Variants in CCNY observed in about 807,000 individuals in gnomAD.
The protein encoded by CCNY is cyclin Y.
A neutral mutation model predicts 42.8 loss-of-function variants in CCNY; 19 were observed. That is an observed-to-expected ratio of 0.44 (90% CI 0.31 to 0.65). The LOEUF (loss-of-function observed/expected upper bound fraction) is 0.65, where lower values mean the gene tolerates loss of function less well. CCNY is among the 30% of genes least tolerant of loss of function. The probability of loss-of-function intolerance (pLI) is 0.07; values close to 1 mark genes in which losing one functional copy is unlikely to be tolerated. For missense variants in CCNY, 370 were observed against 437.3 expected, an observed-to-expected ratio of 0.85 and a Z score of 1.37; for synonymous variants, 165 against 162.7, an observed-to-expected ratio of 1.01 and a Z score of -0.11.
At chr10:35,472,574 A>G (rs541770413) in intron 1 of CCNY, among the ~76,000 whole-genome samples, 8 of 152,322 alleles carry the variant, frequency 5.3e-5, no homozygotes, top group Admixed American at 5.2e-4. Flanking sequence ...CTTAGTACCT[A>G]GTAGATGCTC....
At chr10:35,252,953 G>T (rs1465800376) in intron 3 of CCNY, among the ~76,000 whole-genome samples, 1 of 152,046 alleles carries the variant, frequency 6.6e-6, no homozygotes, top group Non-Finnish European at 1.5e-5. Flanking sequence ...TAACTATGAG[G>T]TTAAAAAAAT....
intron 3 of CCNY, among the ~76,000 whole-genome samples, chr10:35,329,722 AG>A (rs1368874904): frequency 6.6e-6 from 1 of 152,182 alleles, no homozygotes; most frequent in African/African-American, 2.4e-5. Context: ...ACAGGAGTAA[AG>A]TGAGAGGCCA....
chr10:35,423,015 A>T (rs1269972360), intron 1 of CCNY, among the ~76,000 whole-genome samples: 1 of 152,204 alleles, frequency 6.6e-6, no homozygotes, highest in African/African-American at 2.4e-5. Flanking sequence ...AGCACTGAAA[A>T]ATCACTTGAT....
At position 35,571,620 on chromosome 10, in the gene CCNY, T is replaced by G. The variant is rs1322452940; in HGVS notation, c.*2450T>G. The G allele has an allele frequency of 6.6e-6, 1 of 152,396 alleles. No homozygotes were observed. The highest frequency in any genetic ancestry group is 1.5e-5 in the Non-Finnish European group (1 of 68,042). 9.4% of individuals were successfully genotyped at this position (152,396 alleles called of 1,614,324 possible). ...CATAGGTAGATACTTGAGGTTCATT[T>G]TCTTTTCTTTTTCTACATGATGATG... On this transcript the variant is annotated 3_prime_UTR_variant, in exon 10 of 10. Coordinates refer to ENST00000374704, the MANE Select transcript of CCNY (RefSeq NM_145012.6).
intron 5 of CCNY, among the ~76,000 whole-genome samples, chr10:35,529,202 A>C: frequency 6.6e-6 from 1 of 152,172 alleles, no homozygotes; most frequent in South Asian, 2.1e-4. Flanking sequence ...GTTGTTTTTC[A>C]GTATAAAATT....
chr10:35,452,794 GA>G (rs892260035), intron 1 of CCNY, among the ~76,000 whole-genome samples: 1 of 144,054 alleles, frequency 6.9e-6, no homozygotes, highest in Non-Finnish European at 1.5e-5. Flanking sequence ...AAAAAAAATG[GA>G]AAAAAGCTAT....
rs1564422027 is a variant in CCNY at position 35,465,934 on chromosome 10, AGAGAGTGT to A, written c.155-17468_155-17461del. ...GAGAGAGAGAGAGAGAGAGAGAGAGAGAGAGTGTGTGTGTGTGTGTGTGTGTCTGTGTG... is the reference window on the plus strand; with the variant it reads ...GAGAGAGAGAGAGAGAGAGAGAGAGAGTGTGTGTGTGTGTGTGTCTGTGTG... On this transcript the variant is annotated intron_variant, in intron 1 of 9. Coordinates refer to ENST00000374704, the MANE Select transcript of CCNY (RefSeq NM_145012.6). Among the ~76,000 whole-genome samples the A allele has an allele frequency of 2.0e-4, 17 of 85,544 alleles. No homozygotes were observed. The Admixed American group carries it at 2.1e-3, about 10-fold the overall frequency. 56.1% of individuals were successfully genotyped at this position (85,544 alleles called of 152,430 possible). A position where few individuals can be genotyped will look rare whatever the true frequency, so the allele number is the denominator to read the frequency against.
chr10:35,407,139 G>T (rs1200602721), intron 1 of CCNY, among the ~76,000 whole-genome samples: 1 of 152,188 alleles, frequency 6.6e-6, no homozygotes, highest in African/African-American at 2.4e-5. Flanking sequence ...CCTTGATTAT[G>T]CCTTTAGCTC....
chr10:35,300,945 C>G (rs574946049), intron 3 of CCNY, among the ~76,000 whole-genome samples: 95 of 152,202 alleles, frequency 6.2e-4, no homozygotes, highest in Admixed American at 3.5e-3. Context: ...GCTGGGATTA[C>G]AGGCGGCCAC....
chr10:35,322,083 C>T (rs571786876), intron 3 of CCNY, among the ~76,000 whole-genome samples: 5 of 152,242 alleles, frequency 3.3e-5, no homozygotes, highest in Middle Eastern at 3.4e-3. Flanking sequence ...TGGATGGGTG[C>T]GGTGGCTCAC....
chr10:35,490,089 C>T (rs528250402), intron 2 of CCNY, among the ~76,000 whole-genome samples: 15 of 152,288 alleles, frequency 9.8e-5, no homozygotes, highest in African/African-American at 3.6e-4. Context: ...ACATCTCTGC[C>T]ATTCACAGTG....
intron 3 of CCNY, among the ~76,000 whole-genome samples, chr10:35,314,246 A>G (rs927284006): frequency 1.3e-5 from 2 of 152,156 alleles, no homozygotes; most frequent in East Asian, 3.9e-4. Context: ...TTTGTAAAGA[A>G]AAAGGTTTAA....
chr10:35,567,114 A>G (rs1213387757), intron 9 of CCNY, among the ~76,000 whole-genome samples: 2 of 152,242 alleles, frequency 1.3e-5, no homozygotes, highest in Non-Finnish European at 2.9e-5. Flanking sequence ...CCTCAAAAAG[A>G]TACTTCTCAG....
At chr10:35,298,652 G>C (rs752540108) in intron 3 of CCNY, among the ~76,000 whole-genome samples, 2 of 152,078 alleles carry the variant, frequency 1.3e-5, no homozygotes, top group Non-Finnish European at 2.9e-5. Context: ...GAGTAGCTAG[G>C]ACTACAAGTG....
Position 35,553,002 on chromosome 10 carries a change from T to C in CCNY, c.580-17T>C, listed in dbSNP as rs752221237. 4 of 1,610,316 alleles carry C rather than the reference T, an allele frequency of 2.5e-6. No homozygotes were observed. The highest frequency in any genetic ancestry group is 3.4e-6 in the Non-Finnish European group (4 of 1,176,770). ...GAAAACAAATCACTTAGCTCTGGCA[T>C]TGTCTTGTCTTCCCAGGTGTACCTT... On this transcript the variant is annotated splice_polypyrimidine_tract_variant and intron_variant, in intron 7 of 9. Transcript: ENST00000374704.
chr10:35,532,582 C>G (rs1011252218), intron 7 of CCNY, among the ~76,000 whole-genome samples: 2 of 152,236 alleles, frequency 1.3e-5, no homozygotes, highest in Admixed American at 1.3e-4. Flanking sequence ...ATGCTGAAAG[C>G]TCTCCTATGG....
chr10:35,369,696 A>G (rs1836886783), intron 1 of CCNY, among the ~76,000 whole-genome samples: 1 of 152,228 alleles, frequency 6.6e-6, no homozygotes, highest in Admixed American at 6.5e-5. Context: ...TTGCAATGGA[A>G]AAGTTTCTGA....
At chr10:35,325,994 T>A (rs1191082810) in intron 3 of CCNY, among the ~76,000 whole-genome samples, 1 of 152,102 alleles carries the variant, frequency 6.6e-6, no homozygotes, top group Non-Finnish European at 1.5e-5. Flanking sequence ...GAGGATCGCT[T>A]GAGCCCAGGA....
At chr10:35,248,404 G>A (rs933026632) in intron 2 of CCNY, among the ~76,000 whole-genome samples, 1 of 152,186 alleles carries the variant, frequency 6.6e-6, no homozygotes, top group Non-Finnish European at 1.5e-5. Flanking sequence ...AGCACTTTGG[G>A]AGGCCGAGTT....
Sources: gnomAD v4.1 joint callset for allele counts (sites outside exome capture counted in the v4.1 genomes callset) on GRCh38, gnomAD v4.1.1 for gene constraint, MANE v1.5 for transcripts, NCBI Gene and HGNC (gene_info 2026-07-23, HGNC 2026-07-21) for gene names.